CCDC180: variants seen among roughly 807,000 people sequenced by gnomAD.
CCDC180 encodes coiled-coil domain-containing protein 180.
CCDC180 carries 154 observed loss-of-function variants against 209.2 expected under a neutral mutation model. That is an observed-to-expected ratio of 0.74 (90% CI 0.65 to 0.84). CCDC180 has a LOEUF of 0.84. CCDC180 is among the 40% of genes least tolerant of loss of function. CCDC180 has a pLI of 0.00. For missense variants in CCDC180, 1,874 were observed against 1,997.3 expected (o/e 0.94, Z 1.18); for synonymous variants, 778 against 749.1 (o/e 1.04, Z -0.63).
At chr9:97,314,821 C>G (rs1319908741) in intron 7 of CCDC180, 30 bp from the exon 8 acceptor site, 1 of 1,596,144 alleles carries the variant, frequency 6.3e-7, no homozygotes, top group South Asian at 1.1e-5. Flanking sequence ...AGGAAGTGAG[C>G]CACTAAGTAT....
intron 36 of CCDC180, 140 bp downstream of exon 36, chr9:97,375,729 A>G (rs1306914060): frequency 1.8e-5 from 17 of 958,800 alleles, no homozygotes; most frequent in South Asian, 3.2e-5. Context: ...CCAGAGCTGC[A>G]GGTCTCAACA....
Position 97,350,434 on chromosome 9 carries a change from C to T in CCDC180, c.2881C>T (p.His961Tyr), listed in dbSNP as rs774904845. 10 of 1,535,848 alleles carry T rather than the reference C, an allele frequency of 6.5e-6. No homozygotes were observed. The highest frequency in any genetic ancestry group is 8.7e-6 in the Non-Finnish European group (10 of 1,146,958). Residue 961 changes from histidine (H) to tyrosine (Y), a missense_variant, in exon 22 of 37, where the codon CAC (histidine) becomes TAC (tyrosine). Physicochemically the swap from His to Tyr is moderately conservative, Grantham distance 83 (BLOSUM62 2). Transcript: ENST00000529487. Reference protein sequence around the residue: ...QKLVTLSNTLHQELLSYVDVT... With the variant: ...QKLVTLSNTLYQELLSYVDVT... Reference sequence around the variant, plus strand: ...GCTGGTCACTCTCAGCAACACACTGCACCAGGAGTTGCTTAGCTATGTTGA... The same window carrying T: ...GCTGGTCACTCTCAGCAACACACTGTACCAGGAGTTGCTTAGCTATGTTGA...
chr9:97,349,085 C>G, intron 20 of CCDC180, 26 bp from the exon 21 acceptor site: 1 of 1,527,360 alleles, frequency 6.5e-7, no homozygotes, highest in South Asian at 1.2e-5. Context: ...GTCCCCGGGG[C>G]CCCAGCTCTC....
At chr9:97,350,280 C>G in intron 21 of CCDC180, 129 bp from the exon 22 acceptor site, 1 of 866,430 alleles carries the variant, frequency 1.2e-6, no homozygotes. Flanking sequence ...CTCCTGTGTC[C>G]CCAGGCTGGT....
intron 8 of CCDC180, among the ~76,000 whole-genome samples, chr9:97,315,363 C>T (rs181250587): frequency 2.0e-4 from 31 of 152,202 alleles, no homozygotes; most frequent in Non-Finnish European, 2.9e-5. Flanking sequence ...TCTGCTCTGC[C>T]TGCTATGTCT....
Position 97,364,062 on chromosome 9 carries a change from A to T in CCDC180, c.3914A>T (p.His1305Leu). The change falls in exon 29 of 37, where the codon CAC (histidine) becomes CTC (leucine). Residue 1305 changes from histidine to leucine, a missense_variant. His to Leu is a moderately conservative substitution (Grantham distance 99, BLOSUM62 -3). Transcript: ENST00000529487. Reference protein sequence around the residue: ...SATSAGSFTPHPKPNKMERKY... With the variant: ...SATSAGSFTPLPKPNKMERKY... Reference sequence around the variant, plus strand: ...CCTTTGTCCCACAGCTTCACACCGCACCCCAAGCCCAACAAAATGGAGAGA... The same window carrying T: ...CCTTTGTCCCACAGCTTCACACCGCTCCCCAAGCCCAACAAAATGGAGAGA... 2 of 1,613,862 alleles carry T rather than the reference A, an allele frequency of 1.2e-6. No individual in the cohort carries two copies. Among genetic ancestry groups the T allele is most frequent in the Non-Finnish European group, 1.7e-6 (2 of 1,179,940 alleles).
chr9:97,309,492 C>A lies in CCDC180; in HGVS notation c.148C>A (p.Pro50Thr), dbSNP rs557777905. Residue 50 changes from proline to threonine, a missense_variant, in exon 3 of 37, where the codon CCC (proline) becomes ACC (threonine). Transcript: ENST00000529487. ...TGTGACCCTGAAGAGTGGCAGGATACCCATGATGAAGAAGGTGGAGACTCC... is the reference window on the plus strand; with the variant it reads ...TGTGACCCTGAAGAGTGGCAGGATAACCATGATGAAGAAGGTGGAGACTCC... ...RSVTLKSGRI[P>T]MMKKVETPEG... 5 of 1,607,614 alleles carry A rather than the reference C, an allele frequency of 3.1e-6. No homozygotes were observed. In the South Asian group the frequency reaches 4.5e-5, roughly 14 times the overall value.
intron 24 of CCDC180, 122 bp from the exon 25 acceptor site, chr9:97,357,505 T>G (rs1826616261): frequency 1.4e-6 from 1 of 709,246 alleles, no homozygotes; most frequent in Admixed American, 2.5e-5. Context: ...AACTGCATAT[T>G]TTTCCCTGAT....
intron 26 of CCDC180, among the ~76,000 whole-genome samples, chr9:97,360,763 G>A (rs559039523): frequency 4.8e-4 from 73 of 152,214 alleles, no homozygotes; most frequent in Non-Finnish European, 9.6e-4. Context: ...CCCACACGAT[G>A]GGGTCTCCAT....
intron 19 of CCDC180, chr9:97,343,788 C>T: frequency 1.9e-6 from 1 of 530,610 alleles, no homozygotes; most frequent in East Asian, 3.2e-5. Context: ...GCACCCACCT[C>T]AGGAGGCTCT....
rs192732758 is a variant in CCDC180, at chr9:97,329,898, C to T, written c.1789-256C>T. ...CCTGGTTAACACGGTGAAACCCTGT[C>T]TTTACTAAAAATACAAAAAATTAGC... On this transcript the variant is annotated intron_variant, in intron 16 of 36. Coordinates refer to ENST00000529487, the MANE Select transcript of CCDC180 (RefSeq NM_020893.6). Among the ~76,000 whole-genome samples, 36 of 152,124 alleles carry T rather than the reference C, an allele frequency of 2.4e-4. No individual in the cohort carries two copies. The East Asian group carries it at 6.4e-3, about 27-fold the overall frequency.
In CCDC180 at chr9:97,378,547, T is replaced by C. The variant is rs1329904171; in HGVS notation, c.*1653T>C. On this transcript the variant is annotated 3_prime_UTR_variant, in exon 37 of 37. Coordinates refer to ENST00000529487, the MANE Select transcript of CCDC180 (RefSeq NM_020893.6). ...CCCTGCTTTTTAAATCCTAGCCCAG[T>C]CCACTAACTCAGTTCATGGCCCACA... The C allele has an allele frequency of 6.9e-6, 1 of 144,606 alleles. No individual in the cohort carries two copies. Among genetic ancestry groups the C allele is most frequent in the Non-Finnish European group, 1.5e-5 (1 of 65,332 alleles). 9.0% of individuals were successfully genotyped at this position (144,606 alleles called of 1,614,324 possible). A position where few individuals can be genotyped will look rare whatever the true frequency, so the allele number is the denominator to read the frequency against.
chr9:97,317,017 C>G, intron 8 of CCDC180, 48 bp from the exon 9 acceptor site: 1 of 1,542,044 alleles, frequency 6.5e-7, no homozygotes, highest in Non-Finnish European at 8.8e-7. Context: ...TGCCCTGACC[C>G]GAGAGAGACC....
rs1316523627 is a variant in CCDC180, at chr9:97,343,396, C to T, written c.2331C>T (p.Phe777=). The T allele has an allele frequency of 6.2e-7, 1 of 1,613,836 alleles. No individual in the cohort carries two copies. Among genetic ancestry groups the T allele is most frequent in the African/African-American group, 1.3e-5 (1 of 75,010 alleles). Residue 777 remains phenylalanine (F), a synonymous_variant, in exon 19 of 37, where the codon TTC becomes TTT. Transcript: ENST00000529487. ...TATACTATGAGGACATGGAGTCCTTCACAATCTCCAGTGGAAACACTTATT... is the reference window on the plus strand; with the variant it reads ...TATACTATGAGGACATGGAGTCCTTTACAATCTCCAGTGGAAACACTTATT... The part of the protein sequence containing the change: ...EEIYYEDMES[F]TISSGNTYFV...
intron 19 of CCDC180, 87 bp from the exon 20 acceptor site, chr9:97,347,227 G>T (rs1040540202): frequency 1.5e-6 from 2 of 1,305,276 alleles, no homozygotes; most frequent in African/African-American, 3.0e-5. Flanking sequence ...TGAGTGAAAG[G>T]GGGAAGCACT....
intron 8 of CCDC180, among the ~76,000 whole-genome samples, chr9:97,316,435 G>T (rs1435953454): frequency 6.6e-6 from 1 of 152,184 alleles, no homozygotes. Flanking sequence ...CCAGCATACT[G>T]CCACCTCCCT....
chr9:97,362,081 G>A (rs1196348169), intron 27 of CCDC180, 115 bp from the exon 28 acceptor site: 13 of 1,452,140 alleles, frequency 9.0e-6, no homozygotes, highest in African/African-American at 1.4e-5. Flanking sequence ...AATGGGGCTC[G>A]TGACAGGACT....
At chr9:97,315,849 C>T (rs561777394) in intron 8 of CCDC180, among the ~76,000 whole-genome samples, 2 of 152,250 alleles carry the variant, frequency 1.3e-5, no homozygotes, top group South Asian at 2.1e-4. Flanking sequence ...CTTGCTGCGT[C>T]GTTAAATGAA....
chr9:97,347,385 T>A lies in CCDC180; in HGVS notation c.2570T>A (p.Val857Glu). The A allele has an allele frequency of 6.5e-7, 1 of 1,536,142 alleles. No homozygotes were observed. Among genetic ancestry groups the A allele is most frequent in the South Asian group, 1.2e-5 (1 of 84,060 alleles). ...DQCSLNTRVT[V>E]ATKINELDSE... ...TGTTCCCTCAACACCCGGGTCACCG[T>A]GGCCACCAAAATCAATGAGCTGGAT... The change falls in exon 20 of 37, where the codon GTG becomes GAG. Residue 857 changes from valine (V) to glutamate (E), a missense_variant. Val to Glu is a moderately radical substitution (Grantham distance 121). Coordinates refer to ENST00000529487, the MANE Select transcript of CCDC180 (RefSeq NM_020893.6).
Sources: gnomAD v4.1 joint callset for allele counts (sites outside exome capture counted in the v4.1 genomes callset) on GRCh38, gnomAD v4.1.1 for gene constraint, MANE v1.5 for transcripts, NCBI Gene and HGNC (gene_info 2026-07-23, HGNC 2026-07-21) for gene names.